The following HEMK2 variants were observed in gnomAD, a reference collection of about 807,000 sequenced individuals.
HEMK2 encodes the protein methyltransferase HEMK2.
At chr21:28,683,156 T>C in the HEMK2 span, among the ~76,000 whole-genome samples, 1 of 151,678 alleles carries the variant, frequency 6.6e-6, no homozygotes, top group Non-Finnish European at 1.5e-5. Context: ...AGGGGATTTA[T>C]TTCAGAAACA....
At chr21:28,651,920 T>C in the HEMK2 span, among the ~76,000 whole-genome samples, 1 of 152,198 alleles carries the variant, frequency 6.6e-6, no homozygotes, top group African/African-American at 2.4e-5. Flanking sequence ...GTCCACAACA[T>C]ACCACATTAT....
chr21:28,841,411 T>TATAAA, the HEMK2 span, among the ~76,000 whole-genome samples: 1 of 41,776 alleles, frequency 2.4e-5, no homozygotes, highest in African/African-American at 1.6e-4. Flanking sequence ...ATATAATATA[T>TATAAA]ATATTATATA....
chr21:28,786,260 T>C, the HEMK2 span, among the ~76,000 whole-genome samples: 2 of 152,370 alleles, frequency 1.3e-5, no homozygotes, highest in East Asian at 3.9e-4. Flanking sequence ...TTCACAAGGT[T>C]GTTGCAAAAA....
At chr21:28,831,482 A>C in the HEMK2 span, among the ~76,000 whole-genome samples, 846 of 53,800 alleles carry the variant, frequency 0.016, 18 homozygotes, top group East Asian at 0.032. Flanking sequence ...AAAGAAAGAA[A>C]GAAAGAAAGA....
chr21:28,676,051 GC>G, the HEMK2 span, among the ~76,000 whole-genome samples: 1 of 152,198 alleles, frequency 6.6e-6, no homozygotes, highest in Non-Finnish European at 1.5e-5. Context: ...CGGAGTCAGA[GC>G]CAAAGCTCAG....
the HEMK2 span, among the ~76,000 whole-genome samples, chr21:28,744,665 G>A: frequency 6.6e-6 from 1 of 152,146 alleles, no homozygotes; most frequent in Non-Finnish European, 1.5e-5. Context: ...CCATGTGTGA[G>A]GCTTGAGCTG....
the HEMK2 span, among the ~76,000 whole-genome samples, chr21:28,718,960 A>G: frequency 1.3e-5 from 2 of 152,128 alleles, no homozygotes; most frequent in African/African-American, 4.8e-5. Flanking sequence ...TTCACTCACA[A>G]TCTTATGCTT....
At chr21:28,668,106 G>A in the HEMK2 span, among the ~76,000 whole-genome samples, 1 of 152,064 alleles carries the variant, frequency 6.6e-6, no homozygotes, top group African/African-American at 2.4e-5. Flanking sequence ...CCCCTTTTCA[G>A]CATTTTCAAC....
At chr21:28,618,074 C>T in the HEMK2 span, among the ~76,000 whole-genome samples, 1 of 152,128 alleles carries the variant, frequency 6.6e-6, no homozygotes, top group Non-Finnish European at 1.5e-5. Context: ...AGGTGTGAGC[C>T]ACCACGCCCA....
the HEMK2 span, among the ~76,000 whole-genome samples, chr21:28,741,042 T>C: frequency 6.6e-6 from 1 of 152,222 alleles, no homozygotes; most frequent in Non-Finnish European, 1.5e-5. Flanking sequence ...TATACACATG[T>C]GTTAGCTCCA....
the HEMK2 span, among the ~76,000 whole-genome samples, chr21:28,689,258 C>G: frequency 6.6e-6 from 1 of 152,122 alleles, no homozygotes; most frequent in Non-Finnish European, 1.5e-5. Context: ...TTAATAATTC[C>G]ATGCAAATTG....
chr21:28,627,655 G>T, the HEMK2 span, among the ~76,000 whole-genome samples: 2 of 152,116 alleles, frequency 1.3e-5, no homozygotes, highest in Non-Finnish European at 2.9e-5. Flanking sequence ...ATACAGTGAG[G>T]CAGGAGAATA....
the HEMK2 span, among the ~76,000 whole-genome samples, chr21:28,822,286 T>A: frequency 6.6e-6 from 1 of 152,218 alleles, no homozygotes; most frequent in Non-Finnish European, 1.5e-5. Flanking sequence ...ATTTACCTAA[T>A]GATATCATTC....
the HEMK2 span, among the ~76,000 whole-genome samples, chr21:28,852,875 A>G: frequency 6.6e-6 from 1 of 152,196 alleles, no homozygotes; most frequent in Non-Finnish European, 1.5e-5. Context: ...CATAAGTCAC[A>G]CTATTCTGAT....
At chr21:28,760,986 T>C in the HEMK2 span, among the ~76,000 whole-genome samples, 3 of 152,198 alleles carry the variant, frequency 2.0e-5, no homozygotes, top group African/African-American at 7.2e-5. Flanking sequence ...GTTTATGTTA[T>C]TATTTATTTT....
chr21:28,858,392 C>G, the HEMK2 span, among the ~76,000 whole-genome samples: 1 of 152,200 alleles, frequency 6.6e-6, no homozygotes, highest in African/African-American at 2.4e-5. Flanking sequence ...CTTCTACTTT[C>G]CATTGTTACC....
At chr21:28,581,202 T>C in the HEMK2 span, among the ~76,000 whole-genome samples, 1 of 150,852 alleles carries the variant, frequency 6.6e-6, no homozygotes, top group Non-Finnish European at 1.5e-5. Flanking sequence ...GGATTCATTA[T>C]CAGTTTGGTG....
the HEMK2 span, among the ~76,000 whole-genome samples, chr21:28,842,657 C>T: frequency 0.26 from 39,469 of 152,122 alleles, 5,883 homozygotes; most frequent in African/African-American, 0.4. Flanking sequence ...TCAGCAACAA[C>T]GTGCCCAGTC....
chr21:28,663,022 A>T, the HEMK2 span, among the ~76,000 whole-genome samples: 1 of 152,152 alleles, frequency 6.6e-6, no homozygotes, highest in African/African-American at 2.4e-5. Flanking sequence ...CCAGTTTCTT[A>T]GATCTTTGTT....
Sources: gnomAD v4.1 joint callset for allele counts (sites outside exome capture counted in the v4.1 genomes callset) on GRCh38, gnomAD v4.1.1 for gene constraint, MANE v1.5 for transcripts, NCBI Gene and HGNC (gene_info 2026-07-23, HGNC 2026-07-21) for gene names.